Variants in GPC5 observed in about 807,000 individuals in gnomAD.
The protein encoded by GPC5 is glypican-5.
GPC5 carries 47 observed loss-of-function variants against 53.9 expected under a neutral mutation model. That is an observed-to-expected ratio of 0.87 (90% confidence interval 0.69 to 1.11). GPC5 has a LOEUF of 1.11. GPC5 is among the 50% of genes most tolerant of loss of function. The pLI is 0.00. For missense variants in GPC5, 748 were observed against 713.1 expected (o/e 1.05, Z -0.56); for synonymous variants, 286 against 263.3 (o/e 1.09, Z -0.84).
chr13:91,889,071 G>A (rs1467775252), intron 5 of GPC5, among the ~76,000 whole-genome samples: 1 of 152,188 alleles, frequency 6.6e-6, no homozygotes, highest in Non-Finnish European at 1.5e-5. Flanking sequence ...TGAGTGAACT[G>A]TGTGCCCAGG....
intron 7 of GPC5, among the ~76,000 whole-genome samples, chr13:92,766,486 C>A (rs1875410842): frequency 1.3e-5 from 2 of 152,110 alleles, no homozygotes; most frequent in East Asian, 1.9e-4. Context: ...TTCATGAGTT[C>A]TTTGTTTTCT....
chr13:91,588,538 TCTC>T (rs1392747939), intron 2 of GPC5, among the ~76,000 whole-genome samples: 1 of 151,928 alleles, frequency 6.6e-6, no homozygotes. Context: ...GGTGATGTAT[TCTC>T]CTCATATCAC....
chr13:92,047,629 A>T (rs2040993329), intron 6 of GPC5, among the ~76,000 whole-genome samples: 1 of 151,454 alleles, frequency 6.6e-6, no homozygotes, highest in South Asian at 2.1e-4. Context: ...TTTTATTTTA[A>T]ACCCTCTAAC....
rs1382817254 is a variant in GPC5 at position 92,476,497 on chromosome 13, T to G, written c.1561+331508T>G. 5.3e-5 allele frequency among the ~76,000 whole-genome samples: 8 copies of G among 151,802 alleles called. No individual in the cohort carries two copies. The East Asian group carries it at 9.7e-4, about 18-fold the overall frequency. ...GGAAGTCAGTGTGGCGATTCCTCAG[T>G]GATCTAGAACTGGAAATACCATTTG... On this transcript the variant is annotated intron_variant, in intron 7 of 7. Coordinates refer to ENST00000377067, the MANE Select transcript of GPC5 (RefSeq NM_004466.6).
intron 6 of GPC5, among the ~76,000 whole-genome samples, chr13:91,922,975 C>T (rs143551430): frequency 1.3e-5 from 2 of 152,192 alleles, no homozygotes; most frequent in Non-Finnish European, 1.5e-5. Context: ...ATTCTGGGAT[C>T]GTAAGGTCAT....
chr13:91,593,675 A>C (rs1311714479), intron 2 of GPC5, among the ~76,000 whole-genome samples: 2 of 152,218 alleles, frequency 1.3e-5, no homozygotes, highest in Admixed American at 1.3e-4. Context: ...AGCAGAAATG[A>C]GTGTTGAGAG....
At chr13:92,458,317 T>TGG (rs34534569) in intron 7 of GPC5, among the ~76,000 whole-genome samples, 1 of 123,822 alleles carries the variant, frequency 8.1e-6, no homozygotes, top group African/African-American at 3.0e-5. Flanking sequence ...GGGGGCAGGG[T>TGG]GGGGGATGAA....
At chr13:91,874,829 C>A (rs2039184587) in intron 5 of GPC5, among the ~76,000 whole-genome samples, 1 of 152,074 alleles carries the variant, frequency 6.6e-6, no homozygotes, top group Non-Finnish European at 1.5e-5. Flanking sequence ...ATTCAAGTTT[C>A]TTTTCTGCTT....
chr13:92,660,559 T>A (rs1886303659), intron 7 of GPC5, among the ~76,000 whole-genome samples: 1 of 144,452 alleles, frequency 6.9e-6, no homozygotes, highest in Admixed American at 6.9e-5. Flanking sequence ...TGTACTATTC[T>A]CTTTTCACAT....
intron 7 of GPC5, among the ~76,000 whole-genome samples, chr13:92,482,993 G>T (rs182118239): frequency 1.3e-3 from 202 of 152,250 alleles, no homozygotes; most frequent in African/African-American, 4.6e-3. Flanking sequence ...AGAAGCAAAG[G>T]CACGTCTTAC....
chr13:92,866,156 G>A (rs1046347007), intron 7 of GPC5, 126 bp from the exon 8 acceptor site: 1 of 623,914 alleles, frequency 1.6e-6, no homozygotes, highest in Non-Finnish European at 2.5e-6. Flanking sequence ...TTATGTTAGA[G>A]TTAGGTGAAC....
chr13:91,661,162 C>T (rs943110841), intron 2 of GPC5, among the ~76,000 whole-genome samples: 1 of 152,004 alleles, frequency 6.6e-6, no homozygotes, highest in African/African-American at 2.4e-5. Context: ...CTGGCAGGGC[C>T]TTCTGCTGGC....
At chr13:92,276,879 A>G (rs1296708397) in intron 7 of GPC5, among the ~76,000 whole-genome samples, 1 of 152,128 alleles carries the variant, frequency 6.6e-6, no homozygotes, top group African/African-American at 2.4e-5. Context: ...TTTACAGGAA[A>G]GAATTTCAAA....
intron 7 of GPC5, among the ~76,000 whole-genome samples, chr13:92,481,247 C>A (rs1321077336): frequency 6.6e-6 from 1 of 151,860 alleles, no homozygotes; most frequent in African/African-American, 2.4e-5. Context: ...ACTACAGGTG[C>A]CCACCACCAT....
chr13:92,533,438 A>T (rs1881625781), intron 7 of GPC5, among the ~76,000 whole-genome samples: 1 of 152,156 alleles, frequency 6.6e-6, no homozygotes, highest in African/African-American at 2.4e-5. Flanking sequence ...ATATTCATTT[A>T]CTTGTGTTAT....
intron 7 of GPC5, among the ~76,000 whole-genome samples, chr13:92,541,479 T>C (rs778740214): frequency 6.6e-6 from 1 of 152,034 alleles, no homozygotes; most frequent in South Asian, 2.1e-4. Context: ...GTGTTGTGCC[T>C]GTTAAATTCT....
intron 7 of GPC5, among the ~76,000 whole-genome samples, chr13:92,271,982 A>C (rs1044983597): frequency 6.6e-6 from 1 of 152,216 alleles, no homozygotes; most frequent in African/African-American, 2.4e-5. Context: ...ACGGGAGTCA[A>C]TCATCTGATT....
intron 4 of GPC5, among the ~76,000 whole-genome samples, chr13:91,743,471 T>C (rs2036980014): frequency 6.6e-6 from 1 of 152,296 alleles, no homozygotes; most frequent in Admixed American, 6.5e-5. Flanking sequence ...CATTATCTTC[T>C]ACTTTGTTTT....
At chr13:91,924,004 A>C (rs1182268811) in intron 6 of GPC5, among the ~76,000 whole-genome samples, 1 of 152,118 alleles carries the variant, frequency 6.6e-6, no homozygotes, top group Non-Finnish European at 1.5e-5. Context: ...ATCCTTTCAA[A>C]ATTTTTAAAA....
Sources: allele counts gnomAD v4.1 joint callset (sites outside exome capture counted in the v4.1 genomes callset), GRCh38; gene constraint gnomAD v4.1.1; transcripts MANE v1.5; gene names NCBI Gene and HGNC (gene_info 2026-07-23, HGNC 2026-07-21).